The following MYO16 variants were observed in gnomAD, a reference collection of about 807,000 sequenced individuals.
MYO16 encodes myosin XVI.
In MYO16, 94 loss-of-function variants were observed where a neutral mutation model predicts 205.3. That is an observed-to-expected ratio of 0.46 (90% CI 0.39 to 0.54). The LOEUF (loss-of-function observed/expected upper bound fraction) is 0.54, where lower values mean the gene tolerates loss of function less well. MYO16 is among the 20% of genes least tolerant of loss of function. The pLI is 0.00. For synonymous variants in MYO16, 988 were observed against 954.0 expected (o/e 1.04, Z -0.66); for missense variants, 2,315 against 2,387.5 (o/e 0.97, Z 0.63).
chr13:108,840,122 C>G (rs1380635455), intron 9 of MYO16, among the ~76,000 whole-genome samples: 1 of 152,184 alleles, frequency 6.6e-6, no homozygotes, highest in African/African-American at 2.4e-5. Flanking sequence ...AATGCATGCC[C>G]ATACATCTGT....
chr13:108,687,735 T>C (rs1882734750), intron 2 of MYO16, among the ~76,000 whole-genome samples: 1 of 152,240 alleles, frequency 6.6e-6, no homozygotes, highest in African/African-American at 2.4e-5. Flanking sequence ...TTATAAAGTG[T>C]GATTTTTTGG....
chr13:108,653,229 A>C (rs576440037), intron 1 of MYO16, among the ~76,000 whole-genome samples: 1 of 152,234 alleles, frequency 6.6e-6, no homozygotes, highest in East Asian at 1.9e-4. Context: ...ATTTTTAATC[A>C]GATTATTTGA....
intron 29 of MYO16, among the ~76,000 whole-genome samples, chr13:109,122,972 C>A (rs532368741): frequency 6.6e-5 from 10 of 152,080 alleles, no homozygotes; most frequent in Admixed American, 4.6e-4. Context: ...AAAGCTGTAA[C>A]TTTTAGTTTT....
intron 34 of MYO16, among the ~76,000 whole-genome samples, chr13:109,199,214 A>ACCG (rs1880302033): frequency 2.1e-5 from 2 of 95,750 alleles, no homozygotes; most frequent in Admixed American, 1.0e-4. Context: ...ATATATATAT[A>ACCG]TATATATATA....
chr13:108,930,838 C>G (rs1238644597), intron 16 of MYO16, among the ~76,000 whole-genome samples: 3 of 152,066 alleles, frequency 2.0e-5, no homozygotes, highest in Non-Finnish European at 4.4e-5. Context: ...AAAGCATTTG[C>G]TCTATACTGT....
intron 4 of MYO16, among the ~76,000 whole-genome samples, chr13:108,742,047 C>T (rs1259301584): frequency 6.6e-6 from 1 of 152,078 alleles, no homozygotes; most frequent in Non-Finnish European, 1.5e-5. Flanking sequence ...AGCTGGAGTG[C>T]AGTAGCATGA....
chr13:108,801,454 A>T (rs1336440568), intron 6 of MYO16, among the ~76,000 whole-genome samples: 1 of 152,234 alleles, frequency 6.6e-6, no homozygotes, highest in African/African-American at 2.4e-5. Flanking sequence ...TATCAAATGG[A>T]AATCACTACG....
chr13:108,772,629 A>G (rs1013665154), intron 4 of MYO16, among the ~76,000 whole-genome samples: 5 of 152,212 alleles, frequency 3.3e-5, no homozygotes, highest in Non-Finnish European at 7.3e-5. Context: ...TTGGAAAAAA[A>G]TAATGAAATT....
At chr13:108,913,231 T>G (rs1438389630) in intron 16 of MYO16, among the ~76,000 whole-genome samples, 2 of 152,172 alleles carry the variant, frequency 1.3e-5, no homozygotes, top group Admixed American at 1.3e-4. Context: ...CATGAAAATA[T>G]TCACCACCCA....
rs1877009918 is a variant in MYO16, at chr13:109,140,588, G to A, written c.4376G>A (p.Cys1459Tyr). The A allele has an allele frequency of 1.3e-6, 2 of 1,527,680 alleles. No homozygotes were observed. Among genetic ancestry groups the A allele is most frequent in the African/African-American group, 2.8e-5 (2 of 70,648 alleles). The allele number at this position is 1,527,680 out of a possible 1,614,324, so 94.6% of individuals were successfully genotyped here. A position where few individuals can be genotyped will look rare whatever the true frequency, so the allele number is the denominator to read the frequency against. Residue 1459 changes from cysteine (C) to tyrosine (Y), a missense_variant, in exon 32 of 35, where the codon TGT becomes TAT. Coordinates refer to ENST00000457511, the MANE Select transcript of MYO16 (RefSeq NM_001198950.3). The surrounding 1 kb of genome is among the most constrained non-coding windows in gnomAD (Gnocchi z 8.0). ...PGESVYEEMK[C>Y]CLPDDGGPGA... The stretch of plus-strand genomic sequence containing the variant: ...GAGTCCGTGTACGAGGAGATGAAGT[G>A]TTGCCTGCCCGACGACGGCGGCCCG...
chr13:108,908,519 C>T (rs1253141119), intron 15 of MYO16, among the ~76,000 whole-genome samples: 1 of 152,092 alleles, frequency 6.6e-6, no homozygotes, highest in Non-Finnish European at 1.5e-5. Context: ...TTAGCAAATT[C>T]ATTACATGAG....
At chr13:108,942,895 A>G (rs1424946804) in intron 16 of MYO16, among the ~76,000 whole-genome samples, 1 of 152,234 alleles carries the variant, frequency 6.6e-6, no homozygotes, top group Non-Finnish European at 1.5e-5. Flanking sequence ...AGCAGCTTGG[A>G]GTACTACAGC....
At chr13:109,076,375 C>T (rs1217074801) in intron 27 of MYO16, among the ~76,000 whole-genome samples, 2 of 152,078 alleles carry the variant, frequency 1.3e-5, no homozygotes, top group South Asian at 2.1e-4. Flanking sequence ...CTAATATAAA[C>T]ATTTAATGTA....
upstream of MYO16, among the ~76,000 whole-genome samples, chr13:108,594,808 A>G (rs1359196432): frequency 2.0e-5 from 3 of 152,166 alleles, no homozygotes; most frequent in Non-Finnish European, 2.9e-5. Context: ...TGACATTCTT[A>G]GAAATATTCA....
chr13:108,841,928 A>G (rs983577538), intron 9 of MYO16, among the ~76,000 whole-genome samples: 5 of 152,112 alleles, frequency 3.3e-5, no homozygotes, highest in African/African-American at 1.2e-4. Context: ...ACCCAAGCAT[A>G]TATTGTCAAC....
chr13:109,113,043 G>A (rs532493074), intron 28 of MYO16, among the ~76,000 whole-genome samples: 22 of 152,332 alleles, frequency 1.4e-4, no homozygotes, highest in Middle Eastern at 3.4e-3. Flanking sequence ...TGACATGGAT[G>A]TACTACTGTA....
At chr13:109,104,662 CA>C (rs964457312) in intron 28 of MYO16, among the ~76,000 whole-genome samples, 6 of 152,080 alleles carry the variant, frequency 3.9e-5, no homozygotes, top group African/African-American at 1.2e-4. Flanking sequence ...GAGGAAAGGA[CA>C]GGGGTGGGGG....
At chr13:108,949,516 G>GA (rs530631154) in intron 16 of MYO16, among the ~76,000 whole-genome samples, 17 of 148,796 alleles carry the variant, frequency 1.1e-4, no homozygotes, top group East Asian at 3.9e-4. Flanking sequence ...GGCTGAAAAT[G>GA]AAAAAAAAAT....
At chr13:109,082,914 G>A (rs993924265) in intron 27 of MYO16, among the ~76,000 whole-genome samples, 25 of 152,112 alleles carry the variant, frequency 1.6e-4, no homozygotes, top group Non-Finnish European at 2.6e-4. Context: ...GATTATATGC[G>A]TATGAATATA....
Sources: gnomAD v4.1 joint callset for allele counts (sites outside exome capture counted in the v4.1 genomes callset) on GRCh38, gnomAD v4.1.1 for gene constraint, Gnocchi (gnomAD v3.1) non-coding constraint, MANE v1.5 for transcripts, NCBI Gene and HGNC (gene_info 2026-07-23, HGNC 2026-07-21) for gene names.